The following ACYP2 variants were observed in gnomAD, a reference collection of about 807,000 sequenced individuals.
The protein encoded by ACYP2 is acylphosphatase 2.
Under a neutral mutation model 11.2 loss-of-function variants are expected in ACYP2, and 12 were observed. That is an observed-to-expected ratio of 1.08 (90% CI 0.69 to 1.74). The LOEUF (loss-of-function observed/expected upper bound fraction) is 1.74. Among genes scored for constraint, ACYP2 ranks in the 40% most tolerant of loss-of-function variants. ACYP2 has a pLI of 0.00. For synonymous variants in ACYP2, 43 were observed against 32.2 expected (o/e 1.33, Z -1.13); for missense variants, 134 against 101.9 (o/e 1.31, Z -1.35).
chr2:54,092,861 C>A (rs1678307106), intron 4 of ACYP2, among the ~76,000 whole-genome samples: 1 of 152,194 alleles, frequency 6.6e-6, no homozygotes, highest in Admixed American at 6.5e-5. Context: ...GAAGTACTGG[C>A]TGCTTGACAA....
At chr2:54,029,498 AG>A (rs1674471660) in intron 2 of ACYP2, 1 of 376,030 alleles carries the variant, frequency 2.7e-6, no homozygotes. Flanking sequence ...ATGAATTCAT[AG>A]GGAAGTGGTT....
chr2:54,163,624 G>T (rs576050184), intron 6 of ACYP2, among the ~76,000 whole-genome samples: 2 of 152,222 alleles, frequency 1.3e-5, no homozygotes, highest in East Asian at 1.9e-4. Context: ...GGAGGCCTAG[G>T]GGGGTGGCTC....
intron 2 of ACYP2, among the ~76,000 whole-genome samples, chr2:54,027,328 T>A (rs2104551044): frequency 6.6e-6 from 1 of 152,238 alleles, no homozygotes; most frequent in South Asian, 2.1e-4. Context: ...CTCTCTGGCC[T>A]TTTCCCTCCT....
rs368201626 is a variant in ACYP2 at position 54,097,837 on chromosome 2, ATT to A, written c.278-37614_278-37613del. 2.8e-3 allele frequency among the ~76,000 whole-genome samples: 412 copies of A among 149,414 alleles called. 1 individual carries two copies. The highest frequency in any genetic ancestry group is 5.1e-3 in the Non-Finnish European group (344 of 67,176). ...TATTATTATACCTAATGAATTAACA[ATT>A]TCTTTTATTTTCTTCTTTCTTTCTT... On this transcript the variant is annotated intron_variant, in intron 4 of 6. Coordinates refer to ENST00000607452, the MANE Select transcript of ACYP2 (RefSeq NM_001320586.2).
chr2:54,041,529 C>T (rs1369682025), intron 2 of ACYP2, among the ~76,000 whole-genome samples: 1 of 152,146 alleles, frequency 6.6e-6, no homozygotes, highest in Non-Finnish European at 1.5e-5. Context: ...AGGGCTTACT[C>T]AAAACTTATG....
At chr2:54,012,615 GTCAGTCACCAGAATCTGGTGAC>G (rs1558470887) in intron 2 of ACYP2, among the ~76,000 whole-genome samples, 1 of 151,970 alleles carries the variant, frequency 6.6e-6, no homozygotes, top group East Asian at 1.9e-4. Context: ...CACTGAGGCC[GTCAGTCACCAGAATCTGGTGAC>G]TCCTCTATCC....
chr2:54,008,385 G>C (rs1263591768), intron 2 of ACYP2, among the ~76,000 whole-genome samples: 2 of 152,164 alleles, frequency 1.3e-5, no homozygotes, highest in Non-Finnish European at 2.9e-5. Flanking sequence ...GGTTTCTCTT[G>C]TCCTGCAGGG....
chr2:54,207,052 A>G (rs1312813321), intron 6 of ACYP2, among the ~76,000 whole-genome samples: 1 of 151,596 alleles, frequency 6.6e-6, no homozygotes, highest in African/African-American at 2.4e-5. Context: ...ATATATATGT[A>G]TATATGTAGA....
At chr2:54,120,414 C>T (rs529179447) in intron 4 of ACYP2, among the ~76,000 whole-genome samples, 2 of 152,264 alleles carry the variant, frequency 1.3e-5, no homozygotes, top group South Asian at 4.1e-4. Flanking sequence ...ATTGATTATG[C>T]TGTGTATAGA....
intron 6 of ACYP2, among the ~76,000 whole-genome samples, chr2:54,213,715 A>G (rs548135372): frequency 6.6e-6 from 1 of 152,176 alleles, no homozygotes; most frequent in East Asian, 1.9e-4. Context: ...GGCTCTGTGT[A>G]TGCGTTCATT....
At position 54,206,943 on chromosome 2, in the gene ACYP2, G is replaced by T. The variant is rs114791604; in HGVS notation, c.404+68195G>T. Among the ~76,000 whole-genome samples the T allele has an allele frequency of 5.0e-3, 758 of 152,118 alleles. 6 individuals are homozygous for T. The highest frequency in any genetic ancestry group is 0.018 in the African/African-American group (733 of 41,490). On this transcript the variant is annotated intron_variant, in intron 6 of 6. Coordinates refer to ENST00000607452, the MANE Select transcript of ACYP2 (RefSeq NM_001320586.2). Reference sequence around the variant, plus strand: ...TTTACATAATATTAGGATGAATGCAGTACATTTATTTTTTTGTTATGATTT... The same window carrying T: ...TTTACATAATATTAGGATGAATGCATTACATTTATTTTTTTGTTATGATTT...
At chr2:53,995,114 G>A (rs1036427551) in intron 2 of ACYP2, among the ~76,000 whole-genome samples, 2 of 152,168 alleles carry the variant, frequency 1.3e-5, no homozygotes, top group Non-Finnish European at 2.9e-5. Context: ...TTTAGTGCAT[G>A]TTCTGTCTCT....
intron 6 of ACYP2, among the ~76,000 whole-genome samples, chr2:54,156,785 G>A (rs1243270542): frequency 6.6e-6 from 1 of 152,050 alleles, no homozygotes; most frequent in Non-Finnish European, 1.5e-5. Context: ...TCCTGCCTCA[G>A]CCTCCCAAGT....
chr2:54,231,689 A>T lies in ACYP2; in HGVS notation c.405-72999A>T, dbSNP rs112253732. On this transcript the variant is annotated intron_variant, in intron 6 of 6. Coordinates refer to ENST00000607452, the MANE Select transcript of ACYP2 (RefSeq NM_001320586.2). ...AAATATAGGTTTTCAACAAAAGTTA[A>T]CAGCTATCACTCATTGGCATCTAGA... is the stretch of plus-strand genomic sequence containing the variant. Among the ~76,000 whole-genome samples the T allele has an allele frequency of 4.0e-3, 606 of 152,372 alleles. 6 individuals carry two copies. Among genetic ancestry groups the T allele is most frequent in the African/African-American group, 0.014 (578 of 41,602 alleles).
At chr2:54,045,156 C>G (rs1471319577) in intron 2 of ACYP2, among the ~76,000 whole-genome samples, 1 of 152,206 alleles carries the variant, frequency 6.6e-6, no homozygotes, top group Non-Finnish European at 1.5e-5. Flanking sequence ...CCAAAAGGAG[C>G]TGACTCACCA....
chr2:54,084,595 GTTTA>G (rs1469962214), intron 4 of ACYP2: 1 of 152,134 alleles, frequency 6.6e-6, no homozygotes, highest in Non-Finnish European at 1.5e-5. Context: ...CTCAGCCTCA[GTTTA>G]TTTTTTACTC....
At chr2:54,264,248 C>T (rs1558654147) in intron 6 of ACYP2, among the ~76,000 whole-genome samples, 1 of 152,072 alleles carries the variant, frequency 6.6e-6, no homozygotes, top group Non-Finnish European at 1.5e-5. Flanking sequence ...AGTGCGGACC[C>T]AAAGAGTGAG....
chr2:54,267,312 G>T, intron 6 of ACYP2: 1 of 1,548,398 alleles, frequency 6.5e-7, no homozygotes, highest in South Asian at 1.2e-5. Flanking sequence ...ATCAGCTCCG[G>T]AAGCTGGGTG....
chr2:54,095,677 C>G (rs1360879181), intron 4 of ACYP2, among the ~76,000 whole-genome samples: 1 of 134,896 alleles, frequency 7.4e-6, no homozygotes, highest in South Asian at 2.5e-4. Flanking sequence ...CCCCCACCTC[C>G]CTCCTGGACG....
Sources: allele counts gnomAD v4.1 joint callset (sites outside exome capture counted in the v4.1 genomes callset), GRCh38; gene constraint gnomAD v4.1.1; transcripts MANE v1.5; gene names NCBI Gene and HGNC (gene_info 2026-07-23, HGNC 2026-07-21).